ALK: variants seen among roughly 807,000 people sequenced by gnomAD.
ALK encodes ALK receptor tyrosine kinase.
In ALK, 74 loss-of-function variants were observed where a neutral mutation model predicts 163.1. The observed-to-expected ratio is 0.45, with a 90% CI of 0.38 to 0.55. The LOEUF (loss-of-function observed/expected upper bound fraction) is 0.55. Ranked by LOEUF, ALK falls within the 20% of genes least tolerant of loss-of-function variation. The pLI, the probability that ALK is intolerant of heterozygous loss-of-function variation, is 0.00. For missense variants in ALK, 2,063 were observed against 2,105.3 expected, an observed-to-expected ratio of 0.98 and a Z score of 0.39; for synonymous variants, 960 against 843.2, an observed-to-expected ratio of 1.14 and a Z score of -2.40.
At chr2:29,527,175 G>T (rs558515642) in intron 4 of ALK, among the ~76,000 whole-genome samples, 1 of 152,162 alleles carries the variant, frequency 6.6e-6, no homozygotes, top group Non-Finnish European at 1.5e-5. Flanking sequence ...GCAAATTAGC[G>T]GTGGAATCAG....
intron 4 of ALK, among the ~76,000 whole-genome samples, chr2:29,490,248 T>C (rs927326706): frequency 3.9e-5 from 6 of 152,258 alleles, no homozygotes; most frequent in Admixed American, 6.5e-5. Flanking sequence ...CATATGACCT[T>C]GGCCTTGGGC....
chr2:29,528,616 C>T (rs1016291570), intron 4 of ALK, among the ~76,000 whole-genome samples: 3 of 152,126 alleles, frequency 2.0e-5, no homozygotes, highest in Non-Finnish European at 1.5e-5. Context: ...TTGGCACCTG[C>T]CACACAAGAG....
intron 3 of ALK, among the ~76,000 whole-genome samples, chr2:29,666,868 A>G (rs1254892153): frequency 6.6e-6 from 1 of 152,010 alleles, no homozygotes; most frequent in African/African-American, 2.4e-5. Context: ...AGCCTCTGGT[A>G]ACCACCAATC....
chr2:29,298,509 A>G (rs1048178968), intron 8 of ALK, among the ~76,000 whole-genome samples: 13 of 152,180 alleles, frequency 8.5e-5, no homozygotes, highest in African/African-American at 3.1e-4. Flanking sequence ...TTGAACTTCC[A>G]TGAATTCAGA....
chr2:29,687,879 C>T (rs1189592365), intron 3 of ALK, among the ~76,000 whole-genome samples: 1 of 152,090 alleles, frequency 6.6e-6, no homozygotes, highest in Non-Finnish European at 1.5e-5. Context: ...TTTTATTTAA[C>T]TAATTCCTTA....
intron 4 of ALK, among the ~76,000 whole-genome samples, chr2:29,443,123 CT>C (rs1670587100): frequency 6.6e-6 from 1 of 152,204 alleles, no homozygotes; most frequent in Admixed American, 6.5e-5. Context: ...TTTAACTAAA[CT>C]TTCGCTTCTT....
rs564244478 is a variant in ALK at position 29,635,979 on chromosome 2, G to A, written c.952+58871C>T. Among the ~76,000 whole-genome samples, 11 of 152,036 alleles carry A rather than the reference G, an allele frequency of 7.2e-5. No individual in the cohort carries two copies. The South Asian group carries it at 1.0e-3, about 14-fold the overall frequency. On this transcript the variant is annotated intron_variant, in intron 3 of 28. Coordinates refer to ENST00000389048, the MANE Select transcript of ALK (RefSeq NM_004304.5). ...CAAGCTTGTGGTCATTTGTTACAGC[G>A]GCCACACGAAACTAATACAAGGTTT...
chr2:29,448,664 C>T (rs956735532), intron 4 of ALK, among the ~76,000 whole-genome samples: 19 of 152,150 alleles, frequency 1.2e-4, no homozygotes, highest in South Asian at 8.3e-4. Flanking sequence ...CATGGGTAAA[C>T]GGAGAGGCTG....
chr2:29,865,934 G>A (rs901075113), intron 1 of ALK, among the ~76,000 whole-genome samples: 1 of 152,116 alleles, frequency 6.6e-6, no homozygotes, highest in African/African-American at 2.4e-5. Context: ...AGACACCAAG[G>A]GTCGCTGGGA....
Position 29,228,927 on chromosome 2 carries a change from A to ACCCCCCCCCAAAC in ALK, c.2771_2772insGTTTGGGGGGGGG (p.Gly925PhefsTer27). On this transcript the variant is annotated frameshift_variant, in exon 16 of 29. Coordinates refer to ENST00000389048, the MANE Select transcript of ALK (RefSeq NM_004304.5). LOFTEE classifies it high-confidence loss of function. ...CTCCACCTGAGGAGCACCCCCCTCC[A>ACCCCCCCCCAAAC]CCCCCTCCGAAACCCCCTCTTGTCT... The ACCCCCCCCCAAAC allele has an allele frequency of 3.5e-6, 2 of 565,834 alleles. No homozygotes were observed. The highest frequency in any genetic ancestry group is 3.0e-5 in the Admixed American group (1 of 33,168). The allele number at this position is 565,834 out of a possible 1,614,324, so 35.1% of individuals were successfully genotyped here. A position where few individuals can be genotyped will look rare whatever the true frequency, so the allele number is the denominator to read the frequency against.
chr2:29,334,794 G>A (rs1236370978), intron 5 of ALK, among the ~76,000 whole-genome samples: 1 of 152,218 alleles, frequency 6.6e-6, no homozygotes, highest in Non-Finnish European at 1.5e-5. Flanking sequence ...GCTTGCAGAA[G>A]AGTCAATTAG....
chr2:29,636,337 G>GA (rs1270796611), intron 3 of ALK, among the ~76,000 whole-genome samples: 18 of 147,824 alleles, frequency 1.2e-4, no homozygotes, highest in African/African-American at 4.1e-4. Context: ...AATAAAGAAA[G>GA]AAAGAAAAGA....
At chr2:29,629,688 C>A (rs1190986369) in intron 3 of ALK, among the ~76,000 whole-genome samples, 2 of 152,148 alleles carry the variant, frequency 1.3e-5, no homozygotes, top group Non-Finnish European at 2.9e-5. Flanking sequence ...TAATGTTACT[C>A]AGTAATGAGT....
At chr2:29,333,412 T>C (rs1321238783) in intron 5 of ALK, among the ~76,000 whole-genome samples, 1 of 152,176 alleles carries the variant, frequency 6.6e-6, no homozygotes, top group Admixed American at 6.5e-5. Flanking sequence ...AGCCTCGAGG[T>C]TGAATTTTTT....
At chr2:29,744,941 A>G (rs1188295098) in intron 1 of ALK, among the ~76,000 whole-genome samples, 1 of 152,148 alleles carries the variant, frequency 6.6e-6, no homozygotes, top group Non-Finnish European at 1.5e-5. Flanking sequence ...TTTCAAGGAG[A>G]AGGGAATTCG....
chr2:29,899,622 C>CA (rs1416831471), intron 1 of ALK: 2 of 152,472 alleles, frequency 1.3e-5, no homozygotes, highest in Non-Finnish European at 2.9e-5. Flanking sequence ...GTCAGGAGAT[C>CA]AAAACCATCC....
chr2:29,408,233 C>T (rs1669638979), intron 4 of ALK, among the ~76,000 whole-genome samples: 1 of 151,856 alleles, frequency 6.6e-6, no homozygotes, highest in Non-Finnish European at 1.5e-5. Flanking sequence ...CAGGTACGTG[C>T]CACCACACCT....
chr2:29,701,980 C>T (rs1360963106), intron 2 of ALK, among the ~76,000 whole-genome samples: 1 of 151,964 alleles, frequency 6.6e-6, no homozygotes, highest in Non-Finnish European at 1.5e-5. Context: ...TAGCTTCCCT[C>T]ATGTAGAGCC....
At chr2:29,385,032 A>G (rs1197851408) in intron 4 of ALK, among the ~76,000 whole-genome samples, 3 of 151,884 alleles carry the variant, frequency 2.0e-5, no homozygotes, top group African/African-American at 7.3e-5. Context: ...CTGGCGATAC[A>G]GACTCTTGTC....
Sources: gnomAD v4.1 joint callset for allele counts (sites outside exome capture counted in the v4.1 genomes callset) on GRCh38, gnomAD v4.1.1 for gene constraint, MANE v1.5 for transcripts, NCBI Gene and HGNC (gene_info 2026-07-23, HGNC 2026-07-21) for gene names.